Variants in ADGRB3 observed in about 807,000 individuals in gnomAD.
The protein encoded by ADGRB3 is brain-specific angiogenesis inhibitor 3.
Under a neutral mutation model 193.4 loss-of-function variants are expected in ADGRB3, and 37 were observed. The observed-to-expected ratio is 0.19, with a 90% confidence interval of 0.15 to 0.25. ADGRB3 has a LOEUF of 0.25. ADGRB3 is among the 10% of genes least tolerant of loss of function. The pLI, the probability that ADGRB3 is intolerant of heterozygous loss-of-function variation, is 1.00. For missense variants in ADGRB3, 1,637 were observed against 1,852.9 expected, an observed-to-expected ratio of 0.88 and a Z score of 2.14; for synonymous variants, 690 against 644.2, an observed-to-expected ratio of 1.07 and a Z score of -1.08.
At chr6:69,092,976 G>A (rs910374653) in intron 17 of ADGRB3, among the ~76,000 whole-genome samples, 3 of 150,606 alleles carry the variant, frequency 2.0e-5, no homozygotes, top group African/African-American at 7.3e-5. Context: ...GACAGCCTAG[G>A]TTCAGGAGGA....
chr6:69,228,592 A>G (rs1202583321), intron 17 of ADGRB3, among the ~76,000 whole-genome samples: 1 of 152,214 alleles, frequency 6.6e-6, no homozygotes, highest in Non-Finnish European at 1.5e-5. Context: ...CAGGCCCAAC[A>G]TAGTGGATGA....
intron 8 of ADGRB3, among the ~76,000 whole-genome samples, chr6:68,972,099 A>T (rs751695392): frequency 6.6e-6 from 1 of 152,178 alleles, no homozygotes; most frequent in Admixed American, 6.5e-5. Flanking sequence ...GTGCTTCACT[A>T]CTGGTGGCTG....
intron 3 of ADGRB3, among the ~76,000 whole-genome samples, chr6:68,918,919 A>G (rs1766952218): frequency 6.6e-6 from 1 of 152,102 alleles, no homozygotes; most frequent in African/African-American, 2.4e-5. Flanking sequence ...TTTCTATCTA[A>G]ATATCACTAT....
At chr6:68,895,039 T>C (rs1222272114) in intron 3 of ADGRB3, among the ~76,000 whole-genome samples, 1 of 151,810 alleles carries the variant, frequency 6.6e-6, no homozygotes. Context: ...GTGGAGAAAA[T>C]TATTAAGTGG....
At chr6:68,938,440 G>GTATATATATATATATA (rs59120080) in intron 5 of ADGRB3, among the ~76,000 whole-genome samples, 2 of 144,680 alleles carry the variant, frequency 1.4e-5, no homozygotes, top group East Asian at 2.2e-4. Context: ...ATATTTTGAG[G>GTATATATATATATATA]TATATATATA....
intron 20 of ADGRB3, among the ~76,000 whole-genome samples, chr6:69,271,720 A>G (rs1401422228): frequency 6.6e-6 from 1 of 152,108 alleles, no homozygotes; most frequent in African/African-American, 2.4e-5. Flanking sequence ...TCTCATTTGC[A>G]CTTGAAAGTT....
rs530532890 is a variant in ADGRB3 at position 68,978,312 on chromosome 6, G to A, written c.1734+2972G>A. Among the ~76,000 whole-genome samples the A allele has an allele frequency of 6.5e-5, 9 of 138,914 alleles. No individual in the cohort carries two copies. The East Asian group carries it at 1.9e-3, about 30-fold the overall frequency. 91.1% of individuals were successfully genotyped at this position (138,914 alleles called of 152,430 possible). On this transcript the variant is annotated intron_variant, in intron 10 of 31. Coordinates refer to ENST00000370598, the MANE Select transcript of ADGRB3 (RefSeq NM_001704.3). ...TATGGATAGATGGTTGGATAGGTAG[G>A]TAGGTAGGTAGATAGATACATAGAT...
chr6:69,204,266 TA>T (rs1417295634), intron 17 of ADGRB3, among the ~76,000 whole-genome samples: 7 of 152,190 alleles, frequency 4.6e-5, no homozygotes, highest in Non-Finnish European at 8.8e-5. Flanking sequence ...TTGGACATTA[TA>T]TTTTTTTATT....
Position 68,692,306 on chromosome 6 carries a change from AG to A in ADGRB3, c.757+52876del, listed in dbSNP as rs1372740626. On this transcript the variant is annotated intron_variant, in intron 3 of 31. Transcript: ENST00000370598. ...GGAATAACTACTTTGATTATCCCCTAGGAAGTTAATTTCGTGTTTAAAGCAA... is the reference window on the plus strand; with the variant it reads ...GGAATAACTACTTTGATTATCCCCTAGAAGTTAATTTCGTGTTTAAAGCAA... Among the ~76,000 whole-genome samples the A allele has an allele frequency of 5.3e-5, 8 of 151,992 alleles. 1 individual carries two copies. In the East Asian group the frequency reaches 1.4e-3, roughly 26 times the overall value.
At chr6:69,088,837 C>T (rs919194336) in intron 17 of ADGRB3, among the ~76,000 whole-genome samples, 3 of 152,164 alleles carry the variant, frequency 2.0e-5, no homozygotes, top group South Asian at 2.1e-4. Flanking sequence ...ACAACACCTA[C>T]GCCACCTAGA....
chr6:68,687,495 C>T (rs185423083), intron 3 of ADGRB3, among the ~76,000 whole-genome samples: 3 of 151,952 alleles, frequency 2.0e-5, no homozygotes, highest in East Asian at 1.9e-4. Context: ...CAGGTATATG[C>T]GATGCATATT....
chr6:68,661,432 C>CAT (rs1491482574), intron 3 of ADGRB3, among the ~76,000 whole-genome samples: 1 of 50,790 alleles, frequency 2.0e-5, no homozygotes, highest in Non-Finnish European at 4.0e-5. Flanking sequence ...TATGTGTATA[C>CAT]ATATATATAT....
intron 3 of ADGRB3, among the ~76,000 whole-genome samples, chr6:68,876,523 G>T (rs571314735): frequency 6.6e-6 from 1 of 152,298 alleles, no homozygotes; most frequent in African/African-American, 2.4e-5. Context: ...AAAAAGGATT[G>T]CTAGATTGTG....
intron 3 of ADGRB3, among the ~76,000 whole-genome samples, chr6:68,846,908 A>G (rs1768288083): frequency 6.6e-6 from 1 of 152,172 alleles, no homozygotes; most frequent in Non-Finnish European, 1.5e-5. Flanking sequence ...CCATGCACCT[A>G]GAAAAGCCAC....
chr6:69,275,697 A>G (rs573317639), intron 20 of ADGRB3, among the ~76,000 whole-genome samples: 1 of 147,614 alleles, frequency 6.8e-6, no homozygotes, highest in Admixed American at 6.7e-5. Flanking sequence ...ACATAATATA[A>G]AAAAAAAACA....
chr6:69,386,759 G>A lies in ADGRB3; in HGVS notation c.4381-1944G>A, dbSNP rs145836762. ...GACCTCCAACCACACATATGTGTTC[G>A]TGGCCAAGCCCATCCCTCTATTCTG... On this transcript the variant is annotated intron_variant, in intron 31 of 31. Transcript: ENST00000370598. Among the ~76,000 whole-genome samples the A allele has an allele frequency of 2.8e-3, 420 of 152,058 alleles. 2 individuals carry two copies. Among genetic ancestry groups the A allele is most frequent in the African/African-American group, 9.4e-3 (389 of 41,514 alleles).
Position 68,659,634 on chromosome 6 carries a change from T to C in ADGRB3, c.757+20202T>C, listed in dbSNP as rs899788373. Among the ~76,000 whole-genome samples, 17 of 151,120 alleles carry C rather than the reference T, an allele frequency of 1.1e-4. No homozygotes were observed. The Admixed American group carries it at 1.1e-3, about 10-fold the overall frequency. ...TAATATGAATTATTTTTATATGTTA[T>C]CTTTTTAAAAGTTGTATTTAAATTA... On this transcript the variant is annotated intron_variant, in intron 3 of 31. Coordinates refer to ENST00000370598, the MANE Select transcript of ADGRB3 (RefSeq NM_001704.3).
intron 6 of ADGRB3, among the ~76,000 whole-genome samples, chr6:68,947,995 A>C (rs1173416024): frequency 1.3e-5 from 2 of 152,074 alleles, no homozygotes; most frequent in African/African-American, 4.8e-5. Context: ...AGCTTGTGTT[A>C]AGTGATTTGG....
At chr6:69,325,525 C>G (rs1452301402) in intron 21 of ADGRB3, among the ~76,000 whole-genome samples, 1 of 152,156 alleles carries the variant, frequency 6.6e-6, no homozygotes, top group Non-Finnish European at 1.5e-5. Context: ...AAAGCAGAAA[C>G]AGAATTGCTG....
Sources: gnomAD v4.1 joint callset for allele counts (sites outside exome capture counted in the v4.1 genomes callset) on GRCh38, gnomAD v4.1.1 for gene constraint, MANE v1.5 for transcripts, NCBI Gene and HGNC (gene_info 2026-07-23, HGNC 2026-07-21) for gene names.